The following EYS variants were observed in gnomAD, a reference collection of about 807,000 sequenced individuals.
EYS encodes the protein EGF-like photoreceptor maintenance factor.
EYS carries 250 observed loss-of-function variants against 282.1 expected under a neutral mutation model. That is an observed-to-expected ratio of 0.89 (90% CI 0.80 to 0.98). EYS has a LOEUF of 0.98. EYS is among the 50% of genes least tolerant of loss of function. The probability of loss-of-function intolerance (pLI) is 0.00; values close to 1 mark genes in which losing one functional copy is unlikely to be tolerated. For missense variants in EYS, 4,016 were observed against 3,709.0 expected (o/e 1.08, Z -2.15); for synonymous variants, 1,355 against 1,282.9 (o/e 1.06, Z -1.20).
intron 27 of EYS, 99 bp downstream of exon 27, chr6:64,439,063 T>A (rs1165177280): frequency 1.6e-6 from 1 of 622,994 alleles, no homozygotes; most frequent in African/African-American, 1.9e-5. Flanking sequence ...GTATAATATA[T>A]AGAGTTAAGT....
At chr6:65,699,085 C>T (rs1312329435) in intron 1 of EYS, among the ~76,000 whole-genome samples, 1 of 152,128 alleles carries the variant, frequency 6.6e-6, no homozygotes, top group Admixed American at 6.5e-5. Flanking sequence ...ATCTTTCTTA[C>T]CATTTGGTCA....
chr6:64,129,046 A>C (rs1016498491), intron 31 of EYS, among the ~76,000 whole-genome samples: 1 of 152,322 alleles, frequency 6.6e-6, no homozygotes, highest in Middle Eastern at 3.4e-3. Flanking sequence ...TTCTAAATAA[A>C]GTTTTGTTAA....
At chr6:63,774,268 A>G (rs1770005192) in intron 40 of EYS, among the ~76,000 whole-genome samples, 1 of 151,870 alleles carries the variant, frequency 6.6e-6, no homozygotes, top group Admixed American at 6.6e-5. Context: ...TCCCAGGTTC[A>G]AGCGATTCTC....
intron 22 of EYS, among the ~76,000 whole-genome samples, chr6:64,711,901 G>A (rs556283340): frequency 5.9e-5 from 9 of 152,096 alleles, no homozygotes; most frequent in Non-Finnish European, 1.0e-4. Flanking sequence ...TGCAAAAATG[G>A]TTAAAGCAAA....
chr6:65,396,629 T>C (rs1766289770), intron 7 of EYS, among the ~76,000 whole-genome samples: 1 of 152,144 alleles, frequency 6.6e-6, no homozygotes, highest in African/African-American at 2.4e-5. Context: ...TACACTTGGT[T>C]TGAGATTGAC....
intron 18 of EYS, among the ~76,000 whole-genome samples, chr6:64,896,856 G>C (rs1306319313): frequency 6.6e-6 from 1 of 152,094 alleles, no homozygotes; most frequent in African/African-American, 2.4e-5. Flanking sequence ...TGGTGGAGGG[G>C]GGGGCCACCA....
At chr6:64,088,694 C>A (rs1394908594) in intron 31 of EYS, among the ~76,000 whole-genome samples, 1 of 151,834 alleles carries the variant, frequency 6.6e-6, no homozygotes, top group Non-Finnish European at 1.5e-5. Context: ...CTATCAATAA[C>A]AACTCATTGA....
At chr6:64,962,155 T>C (rs1769942911) in intron 14 of EYS, among the ~76,000 whole-genome samples, 1 of 152,156 alleles carries the variant, frequency 6.6e-6, no homozygotes, top group Non-Finnish European at 1.5e-5. Context: ...TTCTCAGTAT[T>C]TCTCGGTTAG....
chr6:65,454,939 G>C (rs541084917), intron 5 of EYS, among the ~76,000 whole-genome samples: 4 of 151,998 alleles, frequency 2.6e-5, no homozygotes, highest in Non-Finnish European at 5.9e-5. Flanking sequence ...AAGGTAGCCC[G>C]ATTTCTCTAG....
chr6:65,467,748 G>A (rs1036496248), intron 5 of EYS, among the ~76,000 whole-genome samples: 12 of 151,878 alleles, frequency 7.9e-5, no homozygotes, highest in Non-Finnish European at 1.6e-4. Context: ...AAAAGGAGCC[G>A]CAAATGTAGG....
chr6:64,696,710 GA>G (rs963471168), intron 22 of EYS, among the ~76,000 whole-genome samples: 5 of 151,938 alleles, frequency 3.3e-5, no homozygotes, highest in Admixed American at 2.6e-4. Flanking sequence ...AGTGCTTAAA[GA>G]AAAAAACTGT....
intron 5 of EYS, among the ~76,000 whole-genome samples, chr6:65,485,662 G>A (rs1244553382): frequency 1.3e-5 from 2 of 152,250 alleles, no homozygotes; most frequent in South Asian, 2.1e-4. Context: ...AAACTTAGCC[G>A]GCTGTGGTGG....
At chr6:64,120,392 A>G (rs1012720791) in intron 31 of EYS, among the ~76,000 whole-genome samples, 3 of 149,696 alleles carry the variant, frequency 2.0e-5, no homozygotes, top group Non-Finnish European at 3.0e-5. Flanking sequence ...AGAAAAACTT[A>G]TATCTTTTTA....
chr6:64,698,125 C>T (rs1770650331), intron 22 of EYS, among the ~76,000 whole-genome samples: 1 of 152,002 alleles, frequency 6.6e-6, no homozygotes, highest in Non-Finnish European at 1.5e-5. Context: ...AAATTTTAAA[C>T]ATTTTGAAAC....
intron 36 of EYS, among the ~76,000 whole-genome samples, chr6:63,828,245 A>C (rs1239326940): frequency 6.6e-6 from 1 of 152,176 alleles, no homozygotes; most frequent in Non-Finnish European, 1.5e-5. Flanking sequence ...ATCAGAACTA[A>C]ATGAAATTGA....
At chr6:65,533,681 A>T (rs1000943813) in intron 2 of EYS, among the ~76,000 whole-genome samples, 2 of 152,108 alleles carry the variant, frequency 1.3e-5, no homozygotes, top group African/African-American at 4.8e-5. Context: ...TTGTTCACCC[A>T]TTCAGCAATA....
At chr6:64,516,869 GA>G (rs1177634533) in intron 26 of EYS, among the ~76,000 whole-genome samples, 1 of 151,464 alleles carries the variant, frequency 6.6e-6, no homozygotes, top group African/African-American at 2.4e-5. Flanking sequence ...TTTAATTGTA[GA>G]AAAAATATAG....
chr6:64,631,366 T>A (rs1412756244), intron 22 of EYS: 1 of 152,162 alleles, frequency 6.6e-6, no homozygotes, highest in East Asian at 1.9e-4. Context: ...AATCATTTTG[T>A]ATGGTTTGCA....
intron 35 of EYS, among the ~76,000 whole-genome samples, chr6:63,889,523 G>C (rs1396995923): frequency 1.3e-5 from 2 of 152,220 alleles, no homozygotes; most frequent in African/African-American, 4.8e-5. Flanking sequence ...GCCAAACTAT[G>C]CTTCATAAGT....
Sources: gnomAD v4.1 joint callset for allele counts (sites outside exome capture counted in the v4.1 genomes callset) on GRCh38, gnomAD v4.1.1 for gene constraint, MANE v1.5 for transcripts, NCBI Gene and HGNC (gene_info 2026-07-23, HGNC 2026-07-21) for gene names.